Variants in POLD1 observed in about 807,000 individuals in gnomAD.
The protein encoded by POLD1 is DNA polymerase delta catalytic subunit.
POLD1 carries 79 observed loss-of-function variants against 129.7 expected under a neutral mutation model. The ratio of observed to expected loss-of-function variants is 0.61; its 90% confidence interval spans 0.51 to 0.73. The LOEUF (loss-of-function observed/expected upper bound fraction) is 0.73, where lower values mean the gene tolerates loss of function less well. Among genes scored for constraint, POLD1 ranks in the 30% least tolerant of loss-of-function variants. The probability of loss-of-function intolerance (pLI) is 0.00; values close to 1 mark genes in which losing one functional copy is unlikely to be tolerated. For missense variants in POLD1, 1,338 were observed against 1,595.8 expected, an observed-to-expected ratio of 0.84 and a Z score of 2.75; for synonymous variants, 714 against 683.3, an observed-to-expected ratio of 1.04 and a Z score of -0.70.
chr19:50,415,039 C>T (rs1032320346), intron 20 of POLD1, 49 bp downstream of exon 20: 1 of 1,441,936 alleles, frequency 6.9e-7, no homozygotes, highest in Non-Finnish European at 9.2e-7. Context: ...CCCCAAACCC[C>T]TCCTCCCTCA....
chr19:50,391,997 G>T (rs189329746), intron 1 of POLD1, among the ~76,000 whole-genome samples: 3 of 152,108 alleles, frequency 2.0e-5, no homozygotes, highest in African/African-American at 7.2e-5. Flanking sequence ...GATTACAGGC[G>T]TGAGCCACTG....
At chr19:50,395,876 C>CTTT (rs774272686) in intron 1 of POLD1, among the ~76,000 whole-genome samples, 2,843 of 73,504 alleles carry the variant, frequency 0.039, 283 homozygotes, top group African/African-American at 0.059. Flanking sequence ...AGGATATATA[C>CTTT]TTTTTTTTTT....
At chr19:50,400,427 G>C (rs2038552064) in intron 3 of POLD1, among the ~76,000 whole-genome samples, 1 of 150,230 alleles carries the variant, frequency 6.7e-6, no homozygotes, top group African/African-American at 2.4e-5. Flanking sequence ...CGCCATGTTG[G>C]CCAGGCTGGT....
chr19:50,411,801 G>A (rs1007442170), intron 17 of POLD1, among the ~76,000 whole-genome samples: 1 of 151,304 alleles, frequency 6.6e-6, no homozygotes, highest in African/African-American at 2.4e-5. Flanking sequence ...GATTGCGCCA[G>A]TGCGCTCCAG....
intron 18 of POLD1, 32 bp from the exon 19 acceptor site, chr19:50,413,710 T>C (rs1259340347): frequency 1.3e-6 from 2 of 1,570,272 alleles, no homozygotes; most frequent in Non-Finnish European, 8.6e-7. Flanking sequence ...GGGACCCTGC[T>C]TCTCACATAC....
rs909661498 is a variant in POLD1, at chr19:50,391,862, G to A, written c.-1-6989G>A. ...CAAGTAGCTGGGATTATAGGCGCCC[G>A]CCACCATGACAAGCTAATTTTTGTA... On this transcript the variant is annotated intron_variant, in intron 1 of 26. Coordinates refer to ENST00000440232, the MANE Select transcript of POLD1 (RefSeq NM_002691.4). 2.6e-5 allele frequency among the ~76,000 whole-genome samples: 4 copies of A among 151,176 alleles called. No homozygotes were observed. The East Asian group carries it at 5.9e-4, about 22-fold the overall frequency.
At chr19:50,401,387 ATATATTTTTTT>A (rs1568617957) in intron 3 of POLD1, among the ~76,000 whole-genome samples, 58 of 59,156 alleles carry the variant, frequency 9.8e-4, no homozygotes, top group African/African-American at 4.5e-3. Context: ...ATATATATAT[ATATATTTTTTT>A]TTTTTTTTTT....
intron 1 of POLD1, among the ~76,000 whole-genome samples, chr19:50,395,867 G>A (rs998600167): frequency 5.3e-4 from 76 of 142,766 alleles, no homozygotes; most frequent in African/African-American, 1.9e-3. Context: ...ATCAACCAGA[G>A]GATATATACT....
intron 17 of POLD1, chr19:50,411,195 C>G (rs1199940451): frequency 6.6e-6 from 1 of 152,226 alleles, no homozygotes; most frequent in African/African-American, 2.4e-5. Context: ...GCGGGATATT[C>G]TAGGGGCTTA....
chr19:50,415,593 C>A lies in POLD1; in HGVS notation c.2717+3C>A, dbSNP rs2039251787. 6.2e-7 allele frequency: 1 copy of A among 1,609,600 alleles called. No homozygotes were observed. Among genetic ancestry groups the A allele is most frequent in the Non-Finnish European group, 8.5e-7 (1 of 1,177,628 alleles). Reference sequence around the variant, plus strand: ...GCCCACGTGGAGCTGGCCGAGAGGTCCTGCGCGGGGCGGGTGGCCTGGCCA... The same window carrying A: ...GCCCACGTGGAGCTGGCCGAGAGGTACTGCGCGGGGCGGGTGGCCTGGCCA... On this transcript the variant is annotated splice_donor_region_variant and intron_variant, in intron 21 of 26. Coordinates refer to ENST00000440232, the MANE Select transcript of POLD1 (RefSeq NM_002691.4).
In POLD1 at chr19:50,391,197, C is replaced by T. The variant is rs1237236973; in HGVS notation, c.-2+6807C>T. On this transcript the variant is annotated intron_variant, in intron 1 of 26. Coordinates refer to ENST00000440232, the MANE Select transcript of POLD1 (RefSeq NM_002691.4). ...GACGATGAGCAGCCGGGCAGAGACG[C>T]TCCTCACTTCCTAGACGGGATGGCG... is the stretch of plus-strand genomic sequence containing the variant. Among the ~76,000 whole-genome samples, 10 of 151,552 alleles carry T rather than the reference C, an allele frequency of 6.6e-5. No homozygotes were observed. The East Asian group carries it at 1.7e-3, about 27-fold the overall frequency.
chr19:50,413,788 C>A lies in POLD1; in HGVS notation c.2297C>A (p.Ser766Tyr). ...TDSVMCRFGV[S>Y]SVAEAMALGR... ...TCCGTCATGTGCCGATTCGGCGTGT[C>A]CTCGGTGGCTGAGGCGATGGCCCTG... Residue 766 changes from serine (S) to tyrosine (Y), a missense_variant, in exon 19 of 27, where the codon TCC (serine) becomes TAC (tyrosine). By Grantham distance (144) the Ser-to-Tyr change is moderately radical. Around this residue, in one of 3 missense-constraint regions of POLD1, gnomAD observed 720 missense variants for 1,002.6 expected, o/e 0.72. Coordinates refer to ENST00000440232, the MANE Select transcript of POLD1 (RefSeq NM_002691.4). 1 of 1,612,258 alleles carries A rather than the reference C, an allele frequency of 6.2e-7. No individual in the cohort carries two copies. Among genetic ancestry groups the A allele is most frequent in the Non-Finnish European group, 8.5e-7 (1 of 1,179,688 alleles).
chr19:50,399,085 C>T (rs1371642679), intron 2 of POLD1, 32 bp downstream of exon 2: 3 of 1,550,368 alleles, frequency 1.9e-6, no homozygotes, highest in Non-Finnish European at 2.6e-6. Context: ...TCCTGCTGCC[C>T]AACCCATTGC....
In POLD1 at chr19:50,402,616, C is replaced by T. The variant is rs756829126; in HGVS notation, c.845C>T (p.Thr282Met). Reference protein sequence around the residue: ...KYALRLKEKATQCQLEADVLW... With the variant: ...KYALRLKEKAMQCQLEADVLW... ...CTGACCCACCCATGCCCACAGGCTA[C>T]GCAGTGCCAGCTGGAGGCGGACGTG... Residue 282 changes from threonine (T) to methionine (M), a missense_variant, in exon 8 of 27, where the codon ACG becomes ATG. Thr to Met is a moderately conservative substitution (Grantham distance 81, BLOSUM62 -1). Coordinates refer to ENST00000440232, the MANE Select transcript of POLD1 (RefSeq NM_002691.4). The T allele has an allele frequency of 1.0e-5, 16 of 1,572,202 alleles. No homozygotes were observed. Among genetic ancestry groups the T allele is most frequent in the Admixed American group, 1.9e-5 (1 of 53,058 alleles).
Position 50,413,474 on chromosome 19 carries a change from G to T in POLD1, c.2203G>T (p.Val735Leu). 1 of 1,613,222 alleles carries T rather than the reference G, an allele frequency of 6.2e-7. No homozygotes were observed. Among genetic ancestry groups the T allele is most frequent in the Non-Finnish European group, 8.5e-7 (1 of 1,179,518 alleles). The change falls in exon 18 of 27, where the codon GTG (valine) becomes TTG (leucine). Residue 735 changes from valine (V) to leucine (L), a missense_variant. Coordinates refer to ENST00000440232, the MANE Select transcript of POLD1 (RefSeq NM_002691.4). ...GATGATCGAGAAAACCAAGCAGCTG[G>T]TGGAGTCTAAGTACACAGTGGAGAA... ...RQMIEKTKQL[V>L]ESKYTVENGY... is the part of the protein sequence containing the mutation.
intron 17 of POLD1, among the ~76,000 whole-genome samples, chr19:50,413,186 T>C (rs1363161207): frequency 1.3e-5 from 2 of 152,188 alleles, no homozygotes; most frequent in African/African-American, 4.8e-5. Context: ...ATGTAGTCAC[T>C]TCCTTGTGCA....
chr19:50,401,965 C>T (rs951949017), intron 4 of POLD1, 34 bp from the exon 5 acceptor site: 1 of 1,614,010 alleles, frequency 6.2e-7, no homozygotes, highest in Non-Finnish European at 8.5e-7. Context: ...GCCACTGGAG[C>T]CCCCTGCACC....
At chr19:50,396,083 G>GT (rs913090597) in intron 1 of POLD1, among the ~76,000 whole-genome samples, 28 of 133,028 alleles carry the variant, frequency 2.1e-4, no homozygotes, top group Admixed American at 2.9e-4. Context: ...GTTGGTGGTG[G>GT]TTTTTTTTTG....
chr19:50,394,354 C>G (rs1310394381), intron 1 of POLD1, among the ~76,000 whole-genome samples: 1 of 151,994 alleles, frequency 6.6e-6, no homozygotes, highest in Non-Finnish European at 1.5e-5. Flanking sequence ...TGTTCTATTG[C>G]AAAAAAGCAA....
Sources: gnomAD v4.1 joint callset for allele counts (sites outside exome capture counted in the v4.1 genomes callset) on GRCh38, gnomAD v4.1.1 for gene constraint, gnomAD v4.1.1 regional missense constraint, MANE v1.5 for transcripts, NCBI Gene and HGNC (gene_info 2026-07-23, HGNC 2026-07-21) for gene names.